The following KIAA0319 variants were observed in gnomAD, a reference collection of about 807,000 sequenced individuals.
The protein encoded by KIAA0319 is KIAA0319.
KIAA0319 carries 83 observed loss-of-function variants against 108.4 expected under a neutral mutation model. The ratio of observed to expected loss-of-function variants is 0.77; its 90% confidence interval spans 0.64 to 0.92. The LOEUF is 0.92. Ranked by LOEUF, KIAA0319 falls within the 40% of genes least tolerant of loss-of-function variation. The pLI is 0.00. For missense variants in KIAA0319, 1,195 were observed against 1,322.4 expected (o/e 0.90, Z 1.49); for synonymous variants, 484 against 510.4 (o/e 0.95, Z 0.70).
At chr6:24,566,934 G>T (rs1763977080) in intron 13 of KIAA0319, among the ~76,000 whole-genome samples, 186 bp from the exon 14 acceptor site, 1 of 152,124 alleles carries the variant, frequency 6.6e-6, no homozygotes, top group East Asian at 1.9e-4. Flanking sequence ...AGCTCCATTT[G>T]TACTTAGTTA....
At chr6:24,610,821 A>G (rs772266772) in intron 1 of KIAA0319, among the ~76,000 whole-genome samples, 3 of 152,216 alleles carry the variant, frequency 2.0e-5, no homozygotes, top group Non-Finnish European at 4.4e-5. Context: ...ATAGCCAAAA[A>G]GTAGAAACAA....
At position 24,582,911 on chromosome 6, in the gene KIAA0319, T is replaced by C. The variant is rs902636928; in HGVS notation, c.1094-565A>G. 1.8e-4 allele frequency: 32 copies of C among 182,782 alleles called. 2 individuals carry two copies. In the Admixed American group the frequency reaches 2.0e-3, roughly 11 times the overall value. 11.3% of individuals were successfully genotyped at this position (182,782 alleles called of 1,614,324 possible). A position where few individuals can be genotyped will look rare whatever the true frequency, so the allele number is the denominator to read the frequency against. ...GCTGCAGATATTAGTAGTTAAAATA[T>C]AAGGTACCTCACCTCAAAGGATTAA... is the stretch of plus-strand genomic sequence containing the variant. On this transcript the variant is annotated intron_variant, in intron 5 of 20. Transcript: ENST00000378214.
At position 24,599,173 on chromosome 6, in the gene KIAA0319, G is replaced by T. The variant is rs1383828377; in HGVS notation, c.55+1876C>A. 2 of 570,914 alleles carry T rather than the reference G, an allele frequency of 3.5e-6. No homozygotes were observed. Among genetic ancestry groups the T allele is most frequent in the East Asian group, 2.9e-5 (1 of 33,944 alleles). 35.4% of individuals were successfully genotyped at this position (570,914 alleles called of 1,614,324 possible). On this transcript the variant is annotated intron_variant, in intron 2 of 20. Transcript: ENST00000378214. The surrounding 1 kb of genome is among the most constrained non-coding windows in gnomAD (Gnocchi z 4.1). ...CAGTACAAGGAGATCACCAACTGTA[G>T]CCAGGCCGGGGCTGACAGCCTGTAC...
intron 2 of KIAA0319, chr6:24,598,388 T>C (rs1582150312): frequency 1.6e-6 from 1 of 619,600 alleles, no homozygotes; most frequent in East Asian, 3.7e-5. Flanking sequence ...AACAAGGTGC[T>C]GGAGACCAAC....
At chr6:24,612,667 G>A (rs548251889) in intron 1 of KIAA0319, among the ~76,000 whole-genome samples, 8 of 152,258 alleles carry the variant, frequency 5.3e-5, no homozygotes, top group Admixed American at 2.0e-4. Flanking sequence ...CACCTCTTGT[G>A]GGAAAGCGAA....
chr6:24,576,416 A>C lies in KIAA0319; in HGVS notation c.1686T>G (p.Tyr562Ter). Residue 562 changes from tyrosine to a stop codon, truncating the protein, a stop_gained, in exon 10 of 21, where the codon TAT (tyrosine) becomes TAG (stop). Transcript: ENST00000378214. LOFTEE classifies it high-confidence loss of function. ...QSSDDHQIVL[Y>*]EWSLGPGSEG... ...CACTCCCAGGACCCAGGGACCACTCATAGAGGACAATCTGGTGATCGTCAC... is the reference window on the plus strand; with the variant it reads ...CACTCCCAGGACCCAGGGACCACTCCTAGAGGACAATCTGGTGATCGTCAC... 1 of 1,614,150 alleles carries C rather than the reference A, an allele frequency of 6.2e-7. No homozygotes were observed. The highest frequency in any genetic ancestry group is 1.3e-5 in the African/African-American group (1 of 75,032).
chr6:24,579,722 A>G (rs980078002), intron 8 of KIAA0319, 136 bp downstream of exon 8: 1 of 647,646 alleles, frequency 1.5e-6, no homozygotes, highest in East Asian at 2.9e-5. Flanking sequence ...TAAAGAAGAC[A>G]TAAAACTAAA....
rs761333463 is a variant in KIAA0319, at chr6:24,596,109, G to A, written c.565C>T (p.Pro189Ser). ...GAGTTGAAGGCCCCCTCGCTGCCCG[G>A]CAGTAGGCCCCAGTCCGTGTACTCG... ...SAEYTDWGLL[P>S]GSEGAFNSSV... Residue 189 changes from proline to serine, a missense_variant, in exon 3 of 21, where the codon CCG becomes TCG. By Grantham distance (74) the Pro-to-Ser change is moderately conservative. Coordinates refer to ENST00000378214, the MANE Select transcript of KIAA0319 (RefSeq NM_014809.4). The A allele has an allele frequency of 1.1e-5, 18 of 1,614,134 alleles. No individual in the cohort carries two copies. Among genetic ancestry groups the A allele is most frequent in the Non-Finnish European group, 1.5e-5 (18 of 1,180,012 alleles).
In KIAA0319 at chr6:24,599,798, A is replaced by G; in HGVS notation, c.55+1251T>C. 2.1e-6 allele frequency: 1 copy of G among 475,662 alleles called. No homozygotes were observed. Among genetic ancestry groups the G allele is most frequent in the Admixed American group, 2.6e-5 (1 of 38,808 alleles). 29.5% of individuals were successfully genotyped at this position (475,662 alleles called of 1,614,324 possible). On this transcript the variant is annotated intron_variant, in intron 2 of 20. Coordinates refer to ENST00000378214, the MANE Select transcript of KIAA0319 (RefSeq NM_014809.4). The surrounding 1 kb of genome is among the most constrained non-coding windows in gnomAD (Gnocchi z 4.1). ...ATGTTCTGCCCAAGTGAATGGCCACAGCAGCCCCTCCCAGCCTACCCCCTC... is the reference window on the plus strand; with the variant it reads ...ATGTTCTGCCCAAGTGAATGGCCACGGCAGCCCCTCCCAGCCTACCCCCTC...
chr6:24,582,360 A>G lies in KIAA0319; in HGVS notation c.1094-14T>C. ...TGTAGGTTGTTTCTGAGAGCAAAAA[A>G]TAAATATGAGTAGTTATAAATTCTG... On this transcript the variant is annotated splice_polypyrimidine_tract_variant and intron_variant, in intron 5 of 20. Coordinates refer to ENST00000378214, the MANE Select transcript of KIAA0319 (RefSeq NM_014809.4). 1 of 1,479,958 alleles carries G rather than the reference A, an allele frequency of 6.8e-7. No individual in the cohort carries two copies. Among genetic ancestry groups the G allele is most frequent in the Non-Finnish European group, 9.4e-7 (1 of 1,058,366 alleles). 91.7% of individuals were successfully genotyped at this position (1,479,958 alleles called of 1,614,324 possible).
Position 24,547,056 on chromosome 6 carries a change from T to A in KIAA0319, c.*109A>T. The stretch of plus-strand genomic sequence containing the variant: ...ACGTGGGGATACACATCTAACCCAC[T>A]GGGGAAGAAGGTCAATGAACTATTC... On this transcript the variant is annotated 3_prime_UTR_variant, in exon 21 of 21. Transcript: ENST00000378214. 8.3e-7 allele frequency: 1 copy of A among 1,198,466 alleles called. No individual in the cohort carries two copies. The highest frequency in any genetic ancestry group is 1.2e-6 in the Non-Finnish European group (1 of 831,736). 74.2% of individuals were successfully genotyped at this position (1,198,466 alleles called of 1,614,324 possible).
At chr6:24,600,487 G>A (rs1770461966) in intron 2 of KIAA0319, 3 of 637,748 alleles carry the variant, frequency 4.7e-6, no homozygotes, top group East Asian at 2.8e-5. Flanking sequence ...GGTCTGGAGT[G>A]TGGCATGAGA....
At chr6:24,572,367 A>G (rs553402246) in intron 11 of KIAA0319, among the ~76,000 whole-genome samples, 1 of 152,340 alleles carries the variant, frequency 6.6e-6, no homozygotes, top group Non-Finnish European at 1.5e-5. Flanking sequence ...GGAGCCCACA[A>G]GCAGTGCTGT....
At chr6:24,567,883 G>A (rs1411742047) in intron 13 of KIAA0319, among the ~76,000 whole-genome samples, 1 of 152,050 alleles carries the variant, frequency 6.6e-6, no homozygotes, top group African/African-American at 2.4e-5. Context: ...AGGGGCTCTG[G>A]GACCCAGCCT....
At chr6:24,592,652 G>A (rs1169856266) in intron 3 of KIAA0319, among the ~76,000 whole-genome samples, 1 of 152,114 alleles carries the variant, frequency 6.6e-6, no homozygotes, top group Non-Finnish European at 1.5e-5. Flanking sequence ...GTACTTCAGA[G>A]GAAAATTTGC....
intron 19 of KIAA0319, among the ~76,000 whole-genome samples, chr6:24,552,124 A>G (rs965718574): frequency 2.0e-5 from 3 of 152,208 alleles, no homozygotes; most frequent in African/African-American, 7.2e-5. Context: ...CACGCAGAGA[A>G]CAAAATAGTA....
downstream of KIAA0319, among the ~76,000 whole-genome samples, chr6:24,542,596 C>T (rs183472436): frequency 6.6e-6 from 1 of 152,202 alleles, no homozygotes; most frequent in East Asian, 1.9e-4. Context: ...ACCTGTAGTC[C>T]CACCTACTCA....
At chr6:24,627,165 G>A (rs1352759637) in intron 1 of KIAA0319, among the ~76,000 whole-genome samples, 1 of 152,070 alleles carries the variant, frequency 6.6e-6, no homozygotes, top group African/African-American at 2.4e-5. Flanking sequence ...GTAACAAAAG[G>A]GGACTTCACA....
intron 1 of KIAA0319, among the ~76,000 whole-genome samples, chr6:24,627,806 A>T (rs1246018153): frequency 1.3e-5 from 2 of 152,244 alleles, no homozygotes; most frequent in African/African-American, 4.8e-5. Context: ...TAATTATCTA[A>T]TGAACTGTTA....
Sources: allele counts gnomAD v4.1 joint callset (sites outside exome capture counted in the v4.1 genomes callset), GRCh38; gene constraint gnomAD v4.1.1; non-coding constraint Gnocchi (gnomAD v3.1); transcripts MANE v1.5; gene names NCBI Gene and HGNC (gene_info 2026-07-23, HGNC 2026-07-21).